MAP3K14: variants seen among roughly 807,000 people sequenced by gnomAD.
MAP3K14 encodes the protein mitogen-activated protein kinase kinase kinase 14, also known as NF-kappa-beta-inducing kinase.
In MAP3K14, 16 loss-of-function variants were observed where a neutral mutation model predicts 99.2. That is an observed-to-expected ratio of 0.16 (90% CI 0.11 to 0.24). The LOEUF is 0.24. Ranked by LOEUF, MAP3K14 falls within the 10% of genes least tolerant of loss-of-function variation. MAP3K14 has a pLI of 1.00. For synonymous variants in MAP3K14, 462 were observed against 492.4 expected (o/e 0.94, Z 0.82); for missense variants, 784 against 1,208.7 (o/e 0.65, Z 5.21).
intron 6 of MAP3K14, among the ~76,000 whole-genome samples, chr17:45,276,604 T>C (rs2044181946): frequency 6.6e-6 from 1 of 151,302 alleles, no homozygotes; most frequent in East Asian, 2.0e-4. Flanking sequence ...CTCCGCCTCC[T>C]GGGTTCAAGC....
rs574057267 is a variant in MAP3K14 at position 45,315,068 on chromosome 17, G to A, written c.-21+1892C>T. Among the ~76,000 whole-genome samples, 4 of 151,234 alleles carry A rather than the reference G, an allele frequency of 2.6e-5. No individual in the cohort carries two copies. The East Asian group carries it at 7.7e-4, about 29-fold the overall frequency. On this transcript the variant is annotated intron_variant, in intron 1 of 15. Transcript: ENST00000344686. ...GCCGAGGGCTGGACAACCAATCAGC[G>A]CAAGCCATCTTCTCAGCAGTAAATG...
rs551182354 is a variant in MAP3K14 at position 45,264,577 on chromosome 17, T to A, written c.*59A>T. Reference sequence around the variant, plus strand: ...GCTGAGCCTGTGTTTCAGGGCAGCATCGTGCACCGAGCAGGAAGGCTGCTT... The same window carrying A: ...GCTGAGCCTGTGTTTCAGGGCAGCAACGTGCACCGAGCAGGAAGGCTGCTT... On this transcript the variant is annotated 3_prime_UTR_variant, in exon 16 of 16. Coordinates refer to ENST00000344686, the MANE Select transcript of MAP3K14 (RefSeq NM_003954.5). 1 of 1,502,438 alleles carries A rather than the reference T, an allele frequency of 6.7e-7. No homozygotes were observed. Among genetic ancestry groups the A allele is most frequent in the East Asian group, 2.5e-5 (1 of 40,570 alleles). The allele number at this position is 1,502,438 out of a possible 1,614,324, so 93.1% of individuals were successfully genotyped here.
intron 6 of MAP3K14, among the ~76,000 whole-genome samples, chr17:45,277,302 C>G (rs563538294): frequency 9.2e-5 from 14 of 152,164 alleles, no homozygotes; most frequent in Admixed American, 5.2e-4. Flanking sequence ...ATTCCTCCCC[C>G]CTCCCCGCTT....
At chr17:45,299,030 C>G (rs1347097281) in intron 1 of MAP3K14, among the ~76,000 whole-genome samples, 1 of 152,156 alleles carries the variant, frequency 6.6e-6, no homozygotes, top group African/African-American at 2.4e-5. Context: ...AGAGGTGAGT[C>G]AATGCAGCAA....
intron 14 of MAP3K14, among the ~76,000 whole-genome samples, chr17:45,265,752 T>C (rs191319665): frequency 8.5e-5 from 13 of 152,308 alleles, no homozygotes; most frequent in Admixed American, 4.6e-4. Flanking sequence ...AGCTGCATTT[T>C]TATAAGAAAA....
intron 14 of MAP3K14, among the ~76,000 whole-genome samples, chr17:45,265,758 GA>G (rs1026749211): frequency 1.3e-5 from 2 of 150,302 alleles, no homozygotes; most frequent in African/African-American, 2.4e-5. Context: ...ATTTTTATAA[GA>G]AAAAAAAAAT....
chr17:45,304,008 TTC>T (rs2044411418), intron 1 of MAP3K14, among the ~76,000 whole-genome samples: 1 of 150,362 alleles, frequency 6.7e-6, no homozygotes, highest in East Asian at 2.0e-4. Context: ...TTCTTTTCTT[TTC>T]TTTTTTTTTT....
In MAP3K14 at chr17:45,267,831, T is replaced by G; in HGVS notation, c.1973-72A>C. 1 of 1,318,594 alleles carries G rather than the reference T, an allele frequency of 7.6e-7. No homozygotes were observed. The highest frequency in any genetic ancestry group is 1.1e-6 in the Non-Finnish European group (1 of 943,908). The allele number at this position is 1,318,594 out of a possible 1,614,324, so 81.7% of individuals were successfully genotyped here. On this transcript the variant is annotated intron_variant, in intron 11 of 15. Transcript: ENST00000344686. This position sits in a 1 kb window ranked among gnomAD's most constrained non-coding sequence, Gnocchi z 5.1. ...GACAGCGGTCCAGGCAGGAGCGGCC[T>G]CTCCTGAGTGCAGAAGGGCTAGAGG... is the stretch of plus-strand genomic sequence containing the variant.
At chr17:45,265,441 C>T (rs991059453) in intron 14 of MAP3K14, among the ~76,000 whole-genome samples, 178 bp from the exon 15 acceptor site, 1 of 152,146 alleles carries the variant, frequency 6.6e-6, no homozygotes, top group African/African-American at 2.4e-5. Flanking sequence ...AGCACAGCTG[C>T]ATTTTTTTGT....
intron 1 of MAP3K14, 75 bp from the exon 2 acceptor site, chr17:45,290,840 G>A (rs2044304681): frequency 1.3e-6 from 2 of 1,489,120 alleles, no homozygotes; most frequent in African/African-American, 1.4e-5. Flanking sequence ...CTTGGGTTGG[G>A]GGAGAAAGGC....
At chr17:45,308,307 T>C (rs1162109643) in intron 1 of MAP3K14, among the ~76,000 whole-genome samples, 2 of 152,178 alleles carry the variant, frequency 1.3e-5, no homozygotes, top group African/African-American at 2.4e-5. Flanking sequence ...GTTGAAACCC[T>C]TGAAAGGCCT....
Position 45,274,125 on chromosome 17 carries a change from T to G in MAP3K14, c.1550A>C (p.Lys517Thr). The change falls in exon 8 of 16, where the codon AAA becomes ACA. Residue 517 changes from lysine (K) to threonine (T), a missense_variant and splice_region_variant. This residue lies in a region of MAP3K14 where 200 missense variants were observed against 367.9 expected (regional missense o/e 0.54). Transcript: ENST00000344686. ...GGGCCGTGGGGCCTGGGCCTTACCT[T>G]TGACGTCCCCATGCAGAATCCTTCG... ...HSRRILHGDVKADNVLLSSDG... is the reference protein window; with the variant it reads ...HSRRILHGDVTADNVLLSSDG... 1 of 1,610,112 alleles carries G rather than the reference T, an allele frequency of 6.2e-7. No homozygotes were observed. Among genetic ancestry groups the G allele is most frequent in the Non-Finnish European group, 8.5e-7 (1 of 1,178,136 alleles).
rs763277302 is a variant in MAP3K14 at position 45,273,599 on chromosome 17, C to T, written c.1561G>A (p.Val521Met). Reference sequence around the variant, plus strand: ...TGGCTCCCATCGCTGGACAGGAGCACGTTGTCAGCTGCCAGGCCGCCCCGG... The same window carrying T: ...TGGCTCCCATCGCTGGACAGGAGCATGTTGTCAGCTGCCAGGCCGCCCCGG... ...ILHGDVKADN[V>M]LLSSDGSHAA... Residue 521 changes from valine (V) to methionine (M), a missense_variant, in exon 9 of 16, where the codon GTG (valine) becomes ATG (methionine). Val to Met is a conservative substitution (Grantham distance 21, BLOSUM62 1). Around this residue, in one of 5 missense-constraint regions of MAP3K14, gnomAD observed 200 missense variants for 367.9 expected, o/e 0.54. Coordinates refer to ENST00000344686, the MANE Select transcript of MAP3K14 (RefSeq NM_003954.5). The T allele has an allele frequency of 9.9e-6, 16 of 1,612,152 alleles. No homozygotes were observed. The highest frequency in any genetic ancestry group is 3.3e-5 in the Admixed American group (2 of 59,834).
intron 10 of MAP3K14, 25 bp downstream of exon 10, chr17:45,271,033 G>A (rs1356707094): frequency 6.2e-7 from 1 of 1,606,880 alleles, no homozygotes; most frequent in Non-Finnish European, 8.5e-7. Flanking sequence ...TCCCCCTGTT[G>A]GCCATGCTGG....
At chr17:45,268,174 C>T (rs543301570) in intron 11 of MAP3K14, 2 of 166,382 alleles carry the variant, frequency 1.2e-5, no homozygotes, top group East Asian at 3.7e-4. Context: ...TCGGTACTTC[C>T]CCAGGCACCG....
chr17:45,315,180 C>T (rs1030130390), intron 1 of MAP3K14, among the ~76,000 whole-genome samples: 6 of 151,784 alleles, frequency 4.0e-5, no homozygotes, highest in African/African-American at 1.5e-4. Flanking sequence ...TCTGTTGAGG[C>T]GAAACAGCCC....
At chr17:45,290,400 C>G (rs1451187800) in intron 2 of MAP3K14, 90 bp downstream of exon 2, 1 of 1,488,194 alleles carries the variant, frequency 6.7e-7, no homozygotes, top group Non-Finnish European at 9.1e-7. Context: ...TGACACAGAC[C>G]TCTCTCCTCC....
intron 15 of MAP3K14, 118 bp from the exon 16 acceptor site, chr17:45,264,918 A>T: frequency 9.1e-7 from 1 of 1,103,624 alleles, no homozygotes. Flanking sequence ...CCTGTCTGTC[A>T]TTCCACGGGA....
Position 45,264,621 on chromosome 17 carries a change from C to G in MAP3K14, c.*15G>C. ...GCTGCTTCCGGCAGTGTGGAGCCGG[C>G]GGTGGAGGGCAGGGTTAGGGCCTGT... On this transcript the variant is annotated 3_prime_UTR_variant, in exon 16 of 16. Coordinates refer to ENST00000344686, the MANE Select transcript of MAP3K14 (RefSeq NM_003954.5). 1 of 1,559,476 alleles carries G rather than the reference C, an allele frequency of 6.4e-7. No homozygotes were observed. Among genetic ancestry groups the G allele is most frequent in the Non-Finnish European group, 8.7e-7 (1 of 1,152,796 alleles).
Sources: gnomAD v4.1 joint callset for allele counts (sites outside exome capture counted in the v4.1 genomes callset) on GRCh38, gnomAD v4.1.1 for gene constraint, gnomAD v4.1.1 regional missense constraint, Gnocchi (gnomAD v3.1) non-coding constraint, MANE v1.5 for transcripts, NCBI Gene and HGNC (gene_info 2026-07-23, HGNC 2026-07-21) for gene names.